The following SSBP1 variants were observed in gnomAD, a reference collection of about 807,000 sequenced individuals.
SSBP1 encodes the protein single-stranded DNA-binding protein, mitochondrial.
In SSBP1, 20 loss-of-function variants were observed where a neutral mutation model predicts 27.0. The ratio of observed to expected loss-of-function variants is 0.74; its 90% CI spans 0.52 to 1.08. The LOEUF is 1.08. SSBP1 is among the 50% of genes least tolerant of loss of function. The pLI is 0.00. For missense variants in SSBP1, 137 were observed against 182.4 expected (o/e 0.75, Z 1.44); for synonymous variants, 59 against 59.3 (o/e 1.00, Z 0.02).
Position 141,744,983 on chromosome 7 carries a change from C to T in SSBP1, c.315-513C>T, listed in dbSNP as rs563712646. Among the ~76,000 whole-genome samples the T allele has an allele frequency of 2.5e-4, 38 of 152,144 alleles. 1 individual carries two copies. The highest frequency in any genetic ancestry group is 8.9e-4 in the African/African-American group (37 of 41,500). On this transcript the variant is annotated intron_variant, in intron 5 of 6. Transcript: ENST00000265304. ...GTGTAGAAATAGTCTTAGTAATTACCTCTAAGTGGTATACTAAGCTGATAC... is the reference window on the plus strand; with the variant it reads ...GTGTAGAAATAGTCTTAGTAATTACTTCTAAGTGGTATACTAAGCTGATAC...
At chr7:141,744,439 C>T (rs991358274) in intron 5 of SSBP1, among the ~76,000 whole-genome samples, 3 of 152,122 alleles carry the variant, frequency 2.0e-5, no homozygotes, top group Non-Finnish European at 4.4e-5. Flanking sequence ...ACTTCATCTT[C>T]GTGGCAGTTA....
At chr7:141,743,502 G>T in intron 3 of SSBP1, 59 bp from the exon 4 acceptor site, 1 of 1,581,514 alleles carries the variant, frequency 6.3e-7, no homozygotes, top group East Asian at 2.2e-5. Flanking sequence ...TTGGGGGAAG[G>T]GGCACAACTA....
chr7:141,739,269 T>A, intron 2 of SSBP1, 79 bp downstream of exon 2: 1 of 1,255,548 alleles, frequency 8.0e-7, no homozygotes, highest in Non-Finnish European at 1.1e-6. Flanking sequence ...GGCTTTTAAC[T>A]ACAGGGGCAA....
intron 6 of SSBP1, 136 bp from the exon 7 acceptor site, chr7:141,750,175 G>C (rs1021443203): frequency 1.5e-6 from 1 of 678,220 alleles, no homozygotes; most frequent in African/African-American, 1.9e-5. Flanking sequence ...AGCATAGCAA[G>C]TGATTTAATA....
At chr7:141,741,665 C>A (rs1799537702) in intron 2 of SSBP1, 2 of 440,354 alleles carry the variant, frequency 4.5e-6, no homozygotes, top group Non-Finnish European at 6.0e-6. Context: ...TAGTAATATA[C>A]CAGTTGTTTA....
In SSBP1 at chr7:141,739,161, G is replaced by A. The variant is rs1461590345; in HGVS notation, c.-6G>A. 1 of 1,595,362 alleles carries A rather than the reference G, an allele frequency of 6.3e-7. No individual in the cohort carries two copies. Among genetic ancestry groups the A allele is most frequent in the African/African-American group, 1.3e-5 (1 of 74,084 alleles). On this transcript the variant is annotated 5_prime_UTR_variant, in exon 2 of 7. Coordinates refer to ENST00000265304, the MANE Select transcript of SSBP1 (RefSeq NM_003143.3). ...GATTAGACTGTAAGAAAAGAAAATA[G>A]AAGCCATGTTTCGAAGACCTGTATT...
At chr7:141,741,684 A>T in intron 2 of SSBP1, 1 of 818,130 alleles carries the variant, frequency 1.2e-6, no homozygotes, top group East Asian at 1.2e-4. Flanking sequence ...TATACTAAAA[A>T]AAAAAATTAG....
chr7:141,741,709 G>A (rs781331308), intron 2 of SSBP1: 2 of 924,680 alleles, frequency 2.2e-6, no homozygotes, highest in South Asian at 5.0e-5. Context: ...TGTATATATT[G>A]AATATATGTA....
intron 2 of SSBP1, chr7:141,740,285 T>A (rs901886139): frequency 6.6e-6 from 1 of 152,254 alleles, no homozygotes; most frequent in Non-Finnish European, 1.5e-5. Context: ...GTTTATTTGA[T>A]TGGTGGACTT....
intron 6 of SSBP1, 37 bp downstream of exon 6, chr7:141,745,621 T>G: frequency 6.2e-7 from 1 of 1,611,398 alleles, no homozygotes. Flanking sequence ...TTTTTCTTTT[T>G]CTCCTTTTCT....
intron 5 of SSBP1, among the ~76,000 whole-genome samples, chr7:141,744,517 A>C (rs1368395215): frequency 6.6e-6 from 1 of 152,208 alleles, no homozygotes; most frequent in Non-Finnish European, 1.5e-5. Flanking sequence ...GAGTATGTAT[A>C]AAAAGTATGT....
In SSBP1 at chr7:141,739,174, G is replaced by T; in HGVS notation, c.8G>T (p.Arg3Leu). Residue 3 changes from arginine (R) to leucine (L), a missense_variant, in exon 2 of 7, where the codon CGA (arginine) becomes CTA (leucine). Physicochemically the swap from Arg to Leu is moderately radical, Grantham distance 102 (BLOSUM62 -2). Transcript: ENST00000265304. Reference protein sequence around the residue: MFRRPVLQVLRQF... With the variant: MFLRPVLQVLRQF... ...GAAAAGAAAATAGAAGCCATGTTTC[G>T]AAGACCTGTATTACAGGTAGTCACT... The T allele has an allele frequency of 2.5e-6, 4 of 1,601,652 alleles. No homozygotes were observed. The East Asian group carries it at 9.0e-5, about 36-fold the overall frequency.
intron 2 of SSBP1, chr7:141,741,861 T>G: frequency 1.0e-6 from 1 of 972,054 alleles, no homozygotes; most frequent in Non-Finnish European, 1.3e-6. Flanking sequence ...GATTTTTCCT[T>G]TTGTGTGCAA....
chr7:141,750,363 A>G lies in SSBP1; in HGVS notation c.*9A>G. 1 of 1,596,552 alleles carries G rather than the reference A, an allele frequency of 6.3e-7. No homozygotes were observed. The highest frequency in any genetic ancestry group is 8.5e-7 in the Non-Finnish European group (1 of 1,174,628). ...CGAAAGAGAAGGAGTAGAAAGGATG[A>G]TTCTTCTTTGGCCATCATTTGGTAC... On this transcript the variant is annotated 3_prime_UTR_variant, in exon 7 of 7. Coordinates refer to ENST00000265304, the MANE Select transcript of SSBP1 (RefSeq NM_003143.3).
In SSBP1 at chr7:141,739,969, A is replaced by G. The variant is rs540649846; in HGVS notation, c.24+779A>G. On this transcript the variant is annotated intron_variant, in intron 2 of 6. Coordinates refer to ENST00000265304, the MANE Select transcript of SSBP1 (RefSeq NM_003143.3). The stretch of plus-strand genomic sequence containing the variant: ...TTAACACTAACGTTACAGTATTAAA[A>G]TGTCTTTAAATAAGAGTTAAAAGTT... 8 of 151,236 alleles carry G rather than the reference A, an allele frequency of 5.3e-5. No individual in the cohort carries two copies. The East Asian group carries it at 1.6e-3, about 31-fold the overall frequency. The allele number at this position is 151,236 out of a possible 1,614,324, so 9.4% of individuals were successfully genotyped here.
At chr7:141,745,993 T>G (rs763084656) in intron 6 of SSBP1, 66 of 990,856 alleles carry the variant, frequency 6.7e-5, no homozygotes, top group Non-Finnish European at 7.8e-5. Context: ...ACTTAGTATG[T>G]GAAATTTCTA....
At chr7:141,748,230 C>G (rs993983399) in intron 6 of SSBP1, among the ~76,000 whole-genome samples, 5 of 151,976 alleles carry the variant, frequency 3.3e-5, no homozygotes, top group Middle Eastern at 3.4e-3. Context: ...GATAAGGTGT[C>G]TTTTTGAAAA....
At chr7:141,746,917 C>T (rs1799813038) in intron 6 of SSBP1, among the ~76,000 whole-genome samples, 1 of 152,136 alleles carries the variant, frequency 6.6e-6, no homozygotes, top group Non-Finnish European at 1.5e-5. Context: ...ACCAGTTCAG[C>T]ATTTGGAAAT....
At chr7:141,748,548 C>T (rs1251184353) in intron 6 of SSBP1, among the ~76,000 whole-genome samples, 2 of 152,072 alleles carry the variant, frequency 1.3e-5, no homozygotes, top group African/African-American at 2.4e-5. Flanking sequence ...ATTTTCCTAC[C>T]CTCCTGTGGG....
Sources: gnomAD v4.1 joint callset for allele counts (sites outside exome capture counted in the v4.1 genomes callset) on GRCh38, gnomAD v4.1.1 for gene constraint, MANE v1.5 for transcripts, NCBI Gene and HGNC (gene_info 2026-07-23, HGNC 2026-07-21) for gene names.